Variants in ATXN1 observed in about 807,000 individuals in gnomAD.
ATXN1 encodes the protein ataxin-1.
A neutral mutation model predicts 56.4 loss-of-function variants in ATXN1; 8 were observed. The ratio of observed to expected loss-of-function variants is 0.14; its 90% CI spans 0.08 to 0.26. The LOEUF (loss-of-function observed/expected upper bound fraction) is 0.26, where lower values mean the gene tolerates loss of function less well. Among genes scored for constraint, ATXN1 ranks in the 10% least tolerant of loss-of-function variants. The pLI, the probability that ATXN1 is intolerant of heterozygous loss-of-function variation, is 1.00. For missense variants in ATXN1, 987 were observed against 1,106.5 expected, an observed-to-expected ratio of 0.89 and a Z score of 1.53; for synonymous variants, 514 against 494.6, an observed-to-expected ratio of 1.04 and a Z score of -0.52.
At chr6:16,489,781 G>A (rs1342432584) in intron 5 of ATXN1, among the ~76,000 whole-genome samples, 1 of 152,074 alleles carries the variant, frequency 6.6e-6, no homozygotes, top group East Asian at 1.9e-4. Flanking sequence ...TCACGCCACT[G>A]TACCCCAGCC....
rs1760143564 is a variant in ATXN1 at position 16,302,809 on chromosome 6, T to C, written c.*3520A>G. 1 of 152,610 alleles carries C rather than the reference T, an allele frequency of 6.6e-6. No homozygotes were observed. The highest frequency in any genetic ancestry group is 2.4e-5 in the African/African-American group (1 of 41,438). The allele number at this position is 152,610 out of a possible 1,614,324, so 9.5% of individuals were successfully genotyped here. A position where few individuals can be genotyped will look rare whatever the true frequency, so the allele number is the denominator to read the frequency against. On this transcript the variant is annotated 3_prime_UTR_variant, in exon 8 of 8. Coordinates refer to ENST00000436367, the MANE Select transcript of ATXN1 (RefSeq NM_001128164.2). ...ACGGCTGTCGGTAAATATTGCAAAGTGGACATAGTACAGAGGCACATGGCT... is the reference window on the plus strand; with the variant it reads ...ACGGCTGTCGGTAAATATTGCAAAGCGGACATAGTACAGAGGCACATGGCT...
rs775989681 is a variant in ATXN1 at position 16,302,789 on chromosome 6, T to G, written c.*3540A>C. 1 of 152,680 alleles carries G rather than the reference T, an allele frequency of 6.5e-6. No homozygotes were observed. Among genetic ancestry groups the G allele is most frequent in the Non-Finnish European group, 1.5e-5 (1 of 68,052 alleles). 9.5% of individuals were successfully genotyped at this position (152,680 alleles called of 1,614,324 possible). On this transcript the variant is annotated 3_prime_UTR_variant, in exon 8 of 8. Transcript: ENST00000436367. ...CAGGAAAGAAAGAACAAAAGACGGC[T>G]GTCGGTAAATATTGCAAAGTGGACA...
chr6:16,611,556 A>T (rs1432484245), intron 3 of ATXN1, among the ~76,000 whole-genome samples: 1 of 152,198 alleles, frequency 6.6e-6, no homozygotes, highest in Non-Finnish European at 1.5e-5. Flanking sequence ...TCTGCAAGAA[A>T]CCCATAAAAG....
intron 6 of ATXN1, among the ~76,000 whole-genome samples, chr6:16,391,351 G>T (rs1758352701): frequency 1.3e-5 from 2 of 151,868 alleles, no homozygotes; most frequent in Non-Finnish European, 2.9e-5. Flanking sequence ...TCTCAAACAT[G>T]GCTGCCCATC....
At chr6:16,599,565 G>A (rs1455634586) in intron 3 of ATXN1, among the ~76,000 whole-genome samples, 2 of 151,994 alleles carry the variant, frequency 1.3e-5, no homozygotes, top group African/African-American at 4.8e-5. Flanking sequence ...ACAAAAATTA[G>A]CTGGGTATGG....
intron 6 of ATXN1, among the ~76,000 whole-genome samples, chr6:16,464,722 G>A (rs1442343518): frequency 6.7e-6 from 1 of 149,794 alleles, no homozygotes; most frequent in African/African-American, 2.5e-5. Flanking sequence ...TGACATTTTG[G>A]AAAAGGCAAA....
At chr6:16,541,392 C>T (rs1263938658) in intron 4 of ATXN1, among the ~76,000 whole-genome samples, 1 of 152,234 alleles carries the variant, frequency 6.6e-6, no homozygotes, top group Non-Finnish European at 1.5e-5. Context: ...TTCTTAGCTT[C>T]CCAGCTTGAG....
At chr6:16,464,091 G>C (rs1481347828) in intron 6 of ATXN1, among the ~76,000 whole-genome samples, 1 of 152,162 alleles carries the variant, frequency 6.6e-6, no homozygotes, top group Non-Finnish European at 1.5e-5. Flanking sequence ...GGGGTGTCCT[G>C]TTTAGAGGGG....
At chr6:16,416,890 A>G (rs1758920569) in intron 6 of ATXN1, among the ~76,000 whole-genome samples, 1 of 152,206 alleles carries the variant, frequency 6.6e-6, no homozygotes, top group South Asian at 2.1e-4. Context: ...TGTGGCTTTT[A>G]TCTTGCATGG....
chr6:16,355,389 G>A (rs1348454726), intron 6 of ATXN1, among the ~76,000 whole-genome samples: 3 of 152,208 alleles, frequency 2.0e-5, no homozygotes, highest in Non-Finnish European at 2.9e-5. Context: ...TTTAGTGACA[G>A]GTGACTCATC....
At position 16,302,230 on chromosome 6, in the gene ATXN1, G is replaced by A. The variant is rs1760123334; in HGVS notation, c.*4099C>T. On this transcript the variant is annotated 3_prime_UTR_variant, in exon 8 of 8. Coordinates refer to ENST00000436367, the MANE Select transcript of ATXN1 (RefSeq NM_001128164.2). ...CCACACACACACCTGCCCCGTCCCT[G>A]AGAAAGAGGTGTGAAAGGTTCCGCA... 1 of 152,458 alleles carries A rather than the reference G, an allele frequency of 6.6e-6. No homozygotes were observed. Among genetic ancestry groups the A allele is most frequent in the Non-Finnish European group, 1.5e-5 (1 of 68,050 alleles). 9.4% of individuals were successfully genotyped at this position (152,458 alleles called of 1,614,324 possible). A position where few individuals can be genotyped will look rare whatever the true frequency, so the allele number is the denominator to read the frequency against.
intron 6 of ATXN1, among the ~76,000 whole-genome samples, chr6:16,387,572 A>G (rs9464886): frequency 0.16 from 23,852 of 152,158 alleles, 1,986 homozygotes; most frequent in African/African-American, 0.19. Flanking sequence ...ACAACTTGGA[A>G]ACATTGTTGG....
chr6:16,328,318 C>A lies in ATXN1; in HGVS notation c.-8G>T. The A allele has an allele frequency of 6.7e-7, 1 of 1,497,666 alleles. No homozygotes were observed. 92.8% of individuals were successfully genotyped at this position (1,497,666 alleles called of 1,614,324 possible). On this transcript the variant is annotated 5_prime_UTR_variant, in exon 7 of 8. Coordinates refer to ENST00000436367, the MANE Select transcript of ATXN1 (RefSeq NM_001128164.2). The surrounding 1 kb of genome is among the most constrained non-coding windows in gnomAD (Gnocchi z 6.2). ...CTCTTGGTTGGATTTCATTTTTCGCCGTCCCCCCTCCACGGTGACTGTTTC... is the reference window on the plus strand; with the variant it reads ...CTCTTGGTTGGATTTCATTTTTCGCAGTCCCCCCTCCACGGTGACTGTTTC...
At chr6:16,726,211 T>C (rs1333660491) in intron 2 of ATXN1, among the ~76,000 whole-genome samples, 1 of 151,784 alleles carries the variant, frequency 6.6e-6, no homozygotes, top group Non-Finnish European at 1.5e-5. Context: ...CAAAACCCCA[T>C]CTCTACTAAA....
chr6:16,724,856 T>C (rs1428424156), intron 2 of ATXN1, among the ~76,000 whole-genome samples: 12 of 152,204 alleles, frequency 7.9e-5, no homozygotes, highest in Non-Finnish European at 1.6e-4. Flanking sequence ...GTTATTTTGG[T>C]ACTGGGTTGC....
At chr6:16,476,364 C>CATCAAACCCAGAGAAG (rs1239012579) in intron 6 of ATXN1, among the ~76,000 whole-genome samples, 12 of 152,088 alleles carry the variant, frequency 7.9e-5, no homozygotes, top group Non-Finnish European at 1.5e-4. Flanking sequence ...AAAAAGCAAC[C>CATCAAACCCAGAGAAG]ATCAAACCCA....
At chr6:16,687,964 T>C (rs1445307192) in intron 2 of ATXN1, among the ~76,000 whole-genome samples, 1 of 152,174 alleles carries the variant, frequency 6.6e-6, no homozygotes, top group Non-Finnish European at 1.5e-5. Context: ...AACATAGCCA[T>C]GCTTCTACCT....
chr6:16,516,349 G>C (rs1027212077), intron 5 of ATXN1, among the ~76,000 whole-genome samples: 1 of 152,200 alleles, frequency 6.6e-6, no homozygotes, highest in Non-Finnish European at 1.5e-5. Context: ...TGCTGTGTGA[G>C]AGGACTGGGA....
intron 3 of ATXN1, among the ~76,000 whole-genome samples, chr6:16,595,920 C>T (rs534456328): frequency 1.4e-4 from 21 of 152,198 alleles, no homozygotes; most frequent in Non-Finnish European, 2.5e-4. Flanking sequence ...AGCTAGTGAG[C>T]TGGAACCCAG....
Sources: allele counts gnomAD v4.1 joint callset (sites outside exome capture counted in the v4.1 genomes callset), GRCh38; gene constraint gnomAD v4.1.1; non-coding constraint Gnocchi (gnomAD v3.1); transcripts MANE v1.5; gene names NCBI Gene and HGNC (gene_info 2026-07-23, HGNC 2026-07-21).